The following FARP2 variants were observed in gnomAD, a reference collection of about 807,000 sequenced individuals.
The protein encoded by FARP2 is FERM, ARHGEF and pleckstrin domain-containing protein 2.
FARP2 carries 111 observed loss-of-function variants against 130.5 expected under a neutral mutation model. The ratio of observed to expected loss-of-function variants is 0.85; its 90% CI spans 0.73 to 1.00. FARP2 has a LOEUF of 1.00. FARP2 is among the 50% of genes least tolerant of loss of function. The pLI is 0.00. For synonymous variants in FARP2, 504 were observed against 516.9 expected, an observed-to-expected ratio of 0.98 and a Z score of 0.34; for missense variants, 1,385 against 1,346.3, an observed-to-expected ratio of 1.03 and a Z score of -0.45.
intron 12 of FARP2, among the ~76,000 whole-genome samples, chr2:241,437,648 ATATT>A (rs546520221): frequency 5.3e-4 from 74 of 139,442 alleles, no homozygotes; most frequent in Admixed American, 8.9e-4. Flanking sequence ...ACATATATAT[ATATT>A]TATTTATTTA....
At chr2:241,437,120 A>AT in intron 12 of FARP2, among the ~76,000 whole-genome samples, 1 of 152,232 alleles carries the variant, frequency 6.6e-6, no homozygotes, top group Non-Finnish European at 1.5e-5. Flanking sequence ...ACTTAGTAGG[A>AT]TTTTTTGTTA....
At chr2:241,488,246 A>G (rs2064805970) in intron 21 of FARP2, 1 of 152,146 alleles carries the variant, frequency 6.6e-6, no homozygotes, top group Non-Finnish European at 1.5e-5. Context: ...ATAAAGTTGA[A>G]AAATCAGGGC....
At chr2:241,483,349 G>A in intron 19 of FARP2, 116 bp from the exon 20 acceptor site, 1 of 843,102 alleles carries the variant, frequency 1.2e-6, no homozygotes, top group Admixed American at 1.8e-5. Flanking sequence ...GACCCTCATT[G>A]GGAGGAGCCA....
chr2:241,408,843 T>C (rs947164658), intron 5 of FARP2, among the ~76,000 whole-genome samples: 1 of 152,134 alleles, frequency 6.6e-6, no homozygotes, highest in Non-Finnish European at 1.5e-5. Flanking sequence ...TCGTAGAATG[T>C]CAGCTGCAAG....
Position 241,484,145 on chromosome 2 carries a change from C to G in FARP2, c.2332-97C>G. 6 of 1,571,442 alleles carry G rather than the reference C, an allele frequency of 3.8e-6. No individual in the cohort carries two copies. The South Asian group carries it at 7.0e-5, about 18-fold the overall frequency. On this transcript the variant is annotated intron_variant, in intron 20 of 26. Transcript: ENST00000264042. ...AAAATCTCCAGCAAGCTGCACAGAT[C>G]TGATGTCCACATGATGAGCAGCCAG...
chr2:241,457,237 T>C (rs184860494), intron 14 of FARP2, among the ~76,000 whole-genome samples: 106 of 152,268 alleles, frequency 7.0e-4, no homozygotes, highest in Non-Finnish European at 7.4e-4. Context: ...CCTCCCCCAC[T>C]CTTCCTTCCT....
At chr2:241,400,588 C>T (rs1322485740) in intron 2 of FARP2, among the ~76,000 whole-genome samples, 1 of 152,220 alleles carries the variant, frequency 6.6e-6, no homozygotes, top group Non-Finnish European at 1.5e-5. Flanking sequence ...AAAGCATTCA[C>T]TGGAGACTGA....
intron 2 of FARP2, chr2:241,395,876 ATTCT>A (rs1227545417): frequency 7.2e-5 from 11 of 152,184 alleles, no homozygotes; most frequent in Non-Finnish European, 1.6e-4. Flanking sequence ...CTCAGGGATA[ATTCT>A]TTCTGTTGAA....
chr2:241,363,717 A>G (rs536115807), intron 1 of FARP2, among the ~76,000 whole-genome samples: 1 of 152,364 alleles, frequency 6.6e-6, no homozygotes, highest in East Asian at 1.9e-4. Context: ...TGAAAGTGAC[A>G]CTGATACCAT....
chr2:241,457,039 C>A, intron 14 of FARP2, 117 bp downstream of exon 14: 1 of 897,424 alleles, frequency 1.1e-6, no homozygotes, highest in Non-Finnish European at 1.6e-6. Context: ...GCTCTGCACT[C>A]ACAGCCGCCT....
intron 14 of FARP2, among the ~76,000 whole-genome samples, chr2:241,461,019 G>A (rs376306293): frequency 1.3e-5 from 2 of 152,248 alleles, no homozygotes; most frequent in East Asian, 3.9e-4. Context: ...TCTCATCCAC[G>A]AGGGTAGACA....
At position 241,434,958 on chromosome 2, in the gene FARP2, A is replaced by G. The variant is rs773909984; in HGVS notation, c.1032-4A>G. ...TTATTAAAAATCTGAATCTTTATTC[A>G]CAGTGGAAGAACTCAGAAACAACTA... On this transcript the variant is annotated splice_polypyrimidine_tract_variant and splice_region_variant and intron_variant, in intron 10 of 26. Coordinates refer to ENST00000264042, the MANE Select transcript of FARP2 (RefSeq NM_014808.4). The G allele has an allele frequency of 1.3e-6, 2 of 1,530,466 alleles. No homozygotes were observed. The highest frequency in any genetic ancestry group is 1.8e-5 in the Admixed American group (1 of 55,550). The allele number at this position is 1,530,466 out of a possible 1,614,324, so 94.8% of individuals were successfully genotyped here. A position where few individuals can be genotyped will look rare whatever the true frequency, so the allele number is the denominator to read the frequency against.
At chr2:241,369,378 C>T (rs2061377641) in intron 1 of FARP2, among the ~76,000 whole-genome samples, 1 of 151,352 alleles carries the variant, frequency 6.6e-6, no homozygotes, top group African/African-American at 2.4e-5. Context: ...TAAAACTGTG[C>T]CCTGCCCACC....
rs550832322 is a variant in FARP2, at chr2:241,482,676, T to C, written c.2263-789T>C. 6.6e-6 allele frequency among the ~76,000 whole-genome samples: 1 copy of C among 152,314 alleles called. No homozygotes were observed. The highest frequency in any genetic ancestry group is 1.9e-4 in the East Asian group (1 of 5,178). On this transcript the variant is annotated intron_variant, in intron 19 of 26. Coordinates refer to ENST00000264042, the MANE Select transcript of FARP2 (RefSeq NM_014808.4). The surrounding 1 kb of genome is among the most constrained non-coding windows in gnomAD (Gnocchi z 4.6). ...ATTATCTGTGTAGTGTGCTCCTCCT[T>C]CTGCCTTCACGCAGTATGTTGGGAC...
chr2:241,393,247 T>G (rs2061952546), intron 2 of FARP2, among the ~76,000 whole-genome samples: 1 of 152,092 alleles, frequency 6.6e-6, no homozygotes, highest in African/African-American at 2.4e-5. Context: ...CTCAAACTCC[T>G]GAGCTCAGGT....
At chr2:241,462,852 G>A (rs1459628225) in intron 15 of FARP2, among the ~76,000 whole-genome samples, 2 of 151,874 alleles carry the variant, frequency 1.3e-5, no homozygotes. Context: ...ACCACACCCA[G>A]CTAATTTTTG....
chr2:241,359,544 A>G (rs1038843353), intron 1 of FARP2, among the ~76,000 whole-genome samples: 3 of 152,072 alleles, frequency 2.0e-5, no homozygotes, highest in South Asian at 2.1e-4. Context: ...TGCAGTTTCT[A>G]TGTAGTCCTC....
At chr2:241,418,779 A>G (rs1371965175) in intron 8 of FARP2, among the ~76,000 whole-genome samples, 3 of 152,142 alleles carry the variant, frequency 2.0e-5, no homozygotes, top group Admixed American at 2.0e-4. Flanking sequence ...TGCCGACTAG[A>G]AGGAGCTTTT....
At chr2:241,491,007 G>A (rs1398803350) in intron 22 of FARP2, 54 bp from the exon 23 acceptor site, 1 of 1,383,584 alleles carries the variant, frequency 7.2e-7, no homozygotes, top group East Asian at 2.3e-5. Flanking sequence ...CTTGAGGGCT[G>A]GGGCCCTACA....
Sources: gnomAD v4.1 joint callset for allele counts (sites outside exome capture counted in the v4.1 genomes callset) on GRCh38, gnomAD v4.1.1 for gene constraint, Gnocchi (gnomAD v3.1) non-coding constraint, MANE v1.5 for transcripts, NCBI Gene and HGNC (gene_info 2026-07-23, HGNC 2026-07-21) for gene names.